Variants in DDX52 observed in about 807,000 individuals in gnomAD.
The protein encoded by DDX52 is DExD-box helicase 52.
DDX52 carries 59 observed loss-of-function variants against 76.1 expected under a neutral mutation model. The ratio of observed to expected loss-of-function variants is 0.78; its 90% CI spans 0.63 to 0.96. DDX52 has a LOEUF of 0.96. Among genes scored for constraint, DDX52 ranks in the 40% least tolerant of loss-of-function variants. The pLI is 0.00. For missense variants in DDX52, 707 were observed against 703.9 expected (o/e 1.00, Z -0.05); for synonymous variants, 231 against 244.1 (o/e 0.95, Z 0.50).
chr17:37,620,883 A>G lies in DDX52; in HGVS notation c.1567T>C (p.Leu523=). 2 of 1,591,292 alleles carry G rather than the reference A, an allele frequency of 1.3e-6. No homozygotes were observed. The highest frequency in any genetic ancestry group is 8.5e-7 in the Non-Finnish European group (1 of 1,174,324). Residue 523 remains leucine (L), a synonymous_variant, in exon 12 of 15, where the codon TTA becomes CTA. Transcript: ENST00000617633. ...ITFFTEDDKP[L]LRSVANVIQQ... ...TTTTTTCTAATTTACCTTCTTAATA[A>G]TGGCTTATCATCCTCAGTGAAAAAT...
chr17:37,629,181 G>A lies in DDX52; in HGVS notation c.748-509C>T, dbSNP rs2030545043. On this transcript the variant is annotated intron_variant, in intron 5 of 14. Coordinates refer to ENST00000617633, the MANE Select transcript of DDX52 (RefSeq NM_007010.5). ...GGTTGCAGTGAGCCGAGATGGCGCC[G>A]CTGCACTCCAGCCTGGTCCACAGAG... 3.3e-5 allele frequency among the ~76,000 whole-genome samples: 5 copies of A among 149,718 alleles called. No individual in the cohort carries two copies. The South Asian group carries it at 1.1e-3, about 32-fold the overall frequency.
rs1432979668 is a variant in DDX52 at position 37,614,091 on chromosome 17, T to C, written c.*205A>G. The C allele has an allele frequency of 6.3e-5, 34 of 537,270 alleles. No homozygotes were observed. In the East Asian group the frequency reaches 1.1e-3, roughly 18 times the overall value. 33.3% of individuals were successfully genotyped at this position (537,270 alleles called of 1,614,324 possible). A position where few individuals can be genotyped will look rare whatever the true frequency, so the allele number is the denominator to read the frequency against. ...CAGCCTGGACAACATGGCAAGACCC[T>C]CATCTCTACAGGAAAAAAAAAAGGC... is the stretch of plus-strand genomic sequence containing the variant. On this transcript the variant is annotated 3_prime_UTR_variant, in exon 15 of 15. Transcript: ENST00000617633.
At chr17:37,618,079 C>T (rs1220973488) in intron 14 of DDX52, among the ~76,000 whole-genome samples, 2 of 152,176 alleles carry the variant, frequency 1.3e-5, no homozygotes, top group African/African-American at 4.8e-5. Flanking sequence ...CACGCCACTG[C>T]ACTCCAGCCT....
rs2064390538 is a variant in DDX52 at position 37,613,478 on chromosome 17, AAAATGAAG to A, written c.*810_*817del. ...AGGAAAGAACATGGTTAAATCACAG[AAAATGAAG>A]AAAGGGAGAAGCTGATCATGATCTT... On this transcript the variant is annotated 3_prime_UTR_variant, in exon 15 of 15. Transcript: ENST00000617633. 6.6e-6 allele frequency: 1 copy of A among 152,248 alleles called. No individual in the cohort carries two copies. The highest frequency in any genetic ancestry group is 2.4e-5 in the African/African-American group (1 of 41,460). The allele number at this position is 152,248 out of a possible 1,614,324, so 9.4% of individuals were successfully genotyped here.
At chr17:37,643,141 A>C (rs1474585559) in intron 1 of DDX52, 193 bp downstream of exon 1, 5 of 528,464 alleles carry the variant, frequency 9.5e-6, no homozygotes, top group African/African-American at 2.0e-5. Flanking sequence ...AGGATAGTTA[A>C]AGAGCTTATT....
At chr17:37,635,804 A>G (rs1312626381) in intron 2 of DDX52, among the ~76,000 whole-genome samples, 1 of 152,116 alleles carries the variant, frequency 6.6e-6, no homozygotes, top group African/African-American at 2.4e-5. Context: ...TGGTTGTACC[A>G]TTTTACCATC....
chr17:37,616,626 GC>G (rs2064429632), intron 14 of DDX52, among the ~76,000 whole-genome samples: 1 of 151,604 alleles, frequency 6.6e-6, no homozygotes, highest in Admixed American at 6.6e-5. Flanking sequence ...CTGCACTCCA[GC>G]CTGGGCGACA....
intron 9 of DDX52, among the ~76,000 whole-genome samples, chr17:37,623,632 T>G: frequency 6.6e-6 from 1 of 152,140 alleles, no homozygotes; most frequent in Admixed American, 6.5e-5. Context: ...GCTCTTCCCC[T>G]CCACGTTTTA....
At chr17:37,627,376 A>AT (rs2030437854) in intron 6 of DDX52, among the ~76,000 whole-genome samples, 1 of 151,898 alleles carries the variant, frequency 6.6e-6, no homozygotes, top group African/African-American at 2.4e-5. Context: ...CGCCCAGCTA[A>AT]TTTTTTGTAT....
chr17:37,634,328 C>T (rs2030828741), intron 2 of DDX52, among the ~76,000 whole-genome samples: 2 of 151,808 alleles, frequency 1.3e-5, no homozygotes, highest in Non-Finnish European at 2.9e-5. Flanking sequence ...AATGAAAGAT[C>T]TCACTTAAAA....
intron 3 of DDX52, among the ~76,000 whole-genome samples, chr17:37,633,077 G>A (rs2030755987): frequency 1.3e-5 from 2 of 152,134 alleles, no homozygotes; most frequent in African/African-American, 4.8e-5. Flanking sequence ...TTTTATATAT[G>A]TATCAGCAAT....
At chr17:37,630,280 T>C in intron 4 of DDX52, 107 bp from the exon 5 acceptor site, 1 of 1,160,982 alleles carries the variant, frequency 8.6e-7, no homozygotes, top group Admixed American at 3.2e-5. Context: ...CAATTTTACA[T>C]AATGAATCTA....
In DDX52 at chr17:37,621,119, C is replaced by A; in HGVS notation, c.1501+8G>T. ...TGACAGAGGGGAAGGAAAAAAAAGACAACTCACCTATCCTGTGGATATATT... is the reference window on the plus strand; with the variant it reads ...TGACAGAGGGGAAGGAAAAAAAAGAAAACTCACCTATCCTGTGGATATATT... On this transcript the variant is annotated splice_region_variant and intron_variant, in intron 11 of 14. Transcript: ENST00000617633. The A allele has an allele frequency of 6.3e-7, 1 of 1,598,914 alleles. No homozygotes were observed. Among genetic ancestry groups the A allele is most frequent in the Non-Finnish European group, 8.5e-7 (1 of 1,174,066 alleles).
At chr17:37,638,778 T>C (rs1029048117) in intron 2 of DDX52, among the ~76,000 whole-genome samples, 5 of 149,610 alleles carry the variant, frequency 3.3e-5, no homozygotes, top group Non-Finnish European at 5.9e-5. Flanking sequence ...TTCTTTTTTT[T>C]TTTTTTTTTG....
chr17:37,625,114 T>C (rs2030299544), intron 8 of DDX52, among the ~76,000 whole-genome samples: 1 of 152,064 alleles, frequency 6.6e-6, no homozygotes, highest in African/African-American at 2.4e-5. Flanking sequence ...CAAGCAATAC[T>C]CCTGCCTCAG....
At chr17:37,624,135 C>T (rs537802208) in intron 9 of DDX52, 3 of 348,878 alleles carry the variant, frequency 8.6e-6, no homozygotes, top group Admixed American at 4.7e-5. Context: ...TGGGACAACA[C>T]GCTTCTTAAC....
chr17:37,640,778 G>A (rs2031156598), intron 2 of DDX52, among the ~76,000 whole-genome samples: 1 of 151,042 alleles, frequency 6.6e-6, no homozygotes, highest in Admixed American at 6.6e-5. Context: ...ACGAGGTCAG[G>A]AGTTCAAGAC....
intron 3 of DDX52, among the ~76,000 whole-genome samples, chr17:37,632,630 A>G (rs1044336480): frequency 6.6e-6 from 1 of 152,122 alleles, no homozygotes; most frequent in African/African-American, 2.4e-5. Context: ...CTTTTTGATG[A>G]TTTACCCTAA....
At chr17:37,633,655 CAAA>C (rs374530358) in intron 2 of DDX52, among the ~76,000 whole-genome samples, 10 of 80,736 alleles carry the variant, frequency 1.2e-4, no homozygotes, top group Admixed American at 1.4e-4. Context: ...AACCTTGTCT[CAAA>C]AAAAAAAAAA....
Sources: allele counts gnomAD v4.1 joint callset (sites outside exome capture counted in the v4.1 genomes callset), GRCh38; gene constraint gnomAD v4.1.1; transcripts MANE v1.5; gene names NCBI Gene and HGNC (gene_info 2026-07-23, HGNC 2026-07-21).